PDZRN4: variants seen among roughly 807,000 people sequenced by gnomAD.
PDZRN4 encodes PDZ domain-containing RING finger protein 4.
PDZRN4 carries 70 observed loss-of-function variants against 99.0 expected under a neutral mutation model. That is an observed-to-expected ratio of 0.71 (90% confidence interval 0.58 to 0.86). The LOEUF is 0.86. Among genes scored for constraint, PDZRN4 ranks in the 40% least tolerant of loss-of-function variants. PDZRN4 has a pLI of 0.00. For synonymous variants in PDZRN4, 551 were observed against 501.6 expected, an observed-to-expected ratio of 1.10 and a Z score of -1.32; for missense variants, 1,474 against 1,331.2, an observed-to-expected ratio of 1.11 and a Z score of -1.67.
intron 3 of PDZRN4, among the ~76,000 whole-genome samples, chr12:41,266,823 A>G (rs1252533407): frequency 6.6e-6 from 1 of 152,250 alleles, no homozygotes; most frequent in Admixed American, 6.5e-5. Flanking sequence ...TATAATTGAT[A>G]AATGATGCTG....
At chr12:41,226,764 G>A (rs1236013221) in intron 3 of PDZRN4, among the ~76,000 whole-genome samples, 1 of 152,124 alleles carries the variant, frequency 6.6e-6, no homozygotes, top group Admixed American at 6.6e-5. Flanking sequence ...TTTTAATAAT[G>A]TTAAGGCTAG....
chr12:41,279,935 T>C (rs952115590), intron 3 of PDZRN4, among the ~76,000 whole-genome samples: 1 of 152,134 alleles, frequency 6.6e-6, no homozygotes, highest in Non-Finnish European at 1.5e-5. Flanking sequence ...GATGGCCGAA[T>C]AGGAACAGCT....
chr12:41,572,517 A>C lies in PDZRN4; in HGVS notation c.1738A>C (p.Thr580Pro). The stretch of plus-strand genomic sequence containing the variant: ...GAATGCAGCCGAGGACCCCAATAGC[A>C]CATCTTTGAAGAGCAAGAGAGACCT... ...QENAAEDPNS[T>P]SLKSKRDLGQ... is the part of the protein sequence containing the mutation. Residue 580 changes from threonine (T) to proline (P), a missense_variant, in exon 10 of 10, where the codon ACA becomes CCA. By Grantham distance (38) the Thr-to-Pro change is conservative. Transcript: ENST00000402685. 2 of 1,614,120 alleles carry C rather than the reference A, an allele frequency of 1.2e-6. No homozygotes were observed. Among genetic ancestry groups the C allele is most frequent in the Non-Finnish European group, 1.7e-6 (2 of 1,180,012 alleles).
chr12:41,381,744 G>A (rs903598671), intron 3 of PDZRN4, among the ~76,000 whole-genome samples: 7 of 152,032 alleles, frequency 4.6e-5, no homozygotes, highest in South Asian at 4.2e-4. Flanking sequence ...CATTTCTTTA[G>A]GGTCAGTTAT....
chr12:41,248,689 G>A (rs1951149392), intron 3 of PDZRN4, among the ~76,000 whole-genome samples: 1 of 152,084 alleles, frequency 6.6e-6, no homozygotes, highest in African/African-American at 2.4e-5. Flanking sequence ...TTCATATATA[G>A]CAATTAACCA....
intron 3 of PDZRN4, chr12:41,410,102 C>G (rs189060470): frequency 1.3e-5 from 2 of 152,142 alleles, no homozygotes; most frequent in African/African-American, 4.8e-5. Context: ...TCAACCCATA[C>G]CAGCATATAC....
intron 3 of PDZRN4, among the ~76,000 whole-genome samples, chr12:41,308,457 A>C (rs1240605322): frequency 6.6e-6 from 1 of 152,168 alleles, no homozygotes; most frequent in Non-Finnish European, 1.5e-5. Context: ...TTACCTTAGC[A>C]TTCTTTGTTT....
At chr12:41,434,829 A>G (rs1450413096) in intron 3 of PDZRN4, among the ~76,000 whole-genome samples, 1 of 152,216 alleles carries the variant, frequency 6.6e-6, no homozygotes, top group East Asian at 1.9e-4. Flanking sequence ...ATCCCGTATT[A>G]TTATTGCCCA....
At chr12:41,193,032 G>A (rs10748266) in intron 2 of PDZRN4, among the ~76,000 whole-genome samples, 106,300 of 152,150 alleles carry the variant, frequency 0.7, 37,366 homozygotes, top group South Asian at 0.76. Context: ...CTGTCTTAGT[G>A]TTGTTGGCCA....
chr12:41,358,957 T>A (rs1287831710), intron 3 of PDZRN4, among the ~76,000 whole-genome samples: 1 of 151,986 alleles, frequency 6.6e-6, no homozygotes, highest in Non-Finnish European at 1.5e-5. Context: ...TTATTTAAAT[T>A]ATTTAATTTA....
intron 3 of PDZRN4, among the ~76,000 whole-genome samples, chr12:41,414,776 G>A (rs901260169): frequency 2.6e-5 from 4 of 152,160 alleles, no homozygotes; most frequent in Non-Finnish European, 4.4e-5. Context: ...CTACAAAGAT[G>A]TGTAGCAAAC....
intron 5 of PDZRN4, among the ~76,000 whole-genome samples, chr12:41,539,420 A>T (rs1463482993): frequency 6.6e-6 from 1 of 152,080 alleles, no homozygotes; most frequent in East Asian, 1.9e-4. Flanking sequence ...ATTATATTAA[A>T]ATATTACCTT....
chr12:41,402,940 A>G (rs1483026301), intron 3 of PDZRN4, among the ~76,000 whole-genome samples: 2 of 151,976 alleles, frequency 1.3e-5, no homozygotes, highest in Non-Finnish European at 2.9e-5. Context: ...TATCAAATTT[A>G]GGGAATTGAT....
chr12:41,369,542 G>C (rs1952025526), intron 3 of PDZRN4, among the ~76,000 whole-genome samples: 1 of 151,224 alleles, frequency 6.6e-6, no homozygotes, highest in Non-Finnish European at 1.5e-5. Context: ...TTCCTTTTCT[G>C]TCAAACTCCT....
chr12:41,457,725 G>T (rs917140536), intron 3 of PDZRN4, among the ~76,000 whole-genome samples: 2 of 152,220 alleles, frequency 1.3e-5, no homozygotes, highest in Non-Finnish European at 2.9e-5. Context: ...AGTTTAAAAT[G>T]TAGCTATTAT....
intron 3 of PDZRN4, among the ~76,000 whole-genome samples, chr12:41,262,913 C>T (rs12310793): frequency 0.089 from 13,480 of 151,850 alleles, 794 homozygotes; most frequent in African/African-American, 0.17. Context: ...ATTAAGTTAC[C>T]ATTTTTAGCC....
chr12:41,237,009 C>G (rs1951072322), intron 3 of PDZRN4, among the ~76,000 whole-genome samples: 1 of 151,896 alleles, frequency 6.6e-6, no homozygotes, highest in Admixed American at 6.6e-5. Context: ...AATGTTTACA[C>G]AGGAAACATT....
chr12:41,309,376 G>A (rs899852722), intron 3 of PDZRN4, among the ~76,000 whole-genome samples: 3 of 152,134 alleles, frequency 2.0e-5, no homozygotes, highest in African/African-American at 7.2e-5. Flanking sequence ...GAAGGACTGA[G>A]AGGGAAAGAA....
intron 3 of PDZRN4, among the ~76,000 whole-genome samples, chr12:41,312,321 C>A (rs1447950660): frequency 2.0e-5 from 3 of 151,038 alleles, no homozygotes; most frequent in Non-Finnish European, 4.4e-5. Flanking sequence ...AAAGAGACTT[C>A]CAAAATCATT....
Sources: gnomAD v4.1 joint callset for allele counts (sites outside exome capture counted in the v4.1 genomes callset) on GRCh38, gnomAD v4.1.1 for gene constraint, MANE v1.5 for transcripts, NCBI Gene and HGNC (gene_info 2026-07-23, HGNC 2026-07-21) for gene names.